HSPA12A: variants seen among roughly 807,000 people sequenced by gnomAD.
HSPA12A encodes heat shock 70 kDa protein 12A.
A neutral mutation model predicts 69.2 loss-of-function variants in HSPA12A; 28 were observed. The ratio of observed to expected loss-of-function variants is 0.40; its 90% CI spans 0.30 to 0.55. The LOEUF is 0.55. Ranked by LOEUF, HSPA12A falls within the 20% of genes least tolerant of loss-of-function variation. HSPA12A has a pLI of 0.38. For synonymous variants in HSPA12A, 345 were observed against 370.5 expected, an observed-to-expected ratio of 0.93 and a Z score of 0.79; for missense variants, 686 against 900.7, an observed-to-expected ratio of 0.76 and a Z score of 3.05.
intron 1 of HSPA12A, among the ~76,000 whole-genome samples, chr10:116,718,373 G>A (rs1484169862): frequency 6.6e-6 from 1 of 152,184 alleles, no homozygotes; most frequent in Non-Finnish European, 1.5e-5. Flanking sequence ...TTCTTCAGCT[G>A]AACCCTCTCA....
intron 2 of HSPA12A, among the ~76,000 whole-genome samples, chr10:116,772,253 T>C (rs1554890572): frequency 6.6e-5 from 10 of 151,972 alleles, no homozygotes. Context: ...AGCCATTGAG[T>C]GGAGGAGCTG....
At chr10:116,798,229 G>A (rs1180368425) in intron 2 of HSPA12A, among the ~76,000 whole-genome samples, 1 of 152,090 alleles carries the variant, frequency 6.6e-6, no homozygotes, top group Non-Finnish European at 1.5e-5. Flanking sequence ...GCCCAGTCAG[G>A]CAGCCACTGC....
At chr10:116,814,941 C>T (rs971791562) in intron 2 of HSPA12A, among the ~76,000 whole-genome samples, 1 of 152,190 alleles carries the variant, frequency 6.6e-6, no homozygotes, top group Non-Finnish European at 1.5e-5. Flanking sequence ...TAAAACCCAT[C>T]AGATGGAGAG....
intron 2 of HSPA12A, among the ~76,000 whole-genome samples, chr10:116,752,055 C>A (rs1272248027): frequency 1.3e-5 from 2 of 152,218 alleles, no homozygotes; most frequent in Non-Finnish European, 2.9e-5. Flanking sequence ...CAAAAATGGA[C>A]CGACACGTAT....
rs1200248441 is a variant in HSPA12A, at chr10:116,671,780, A to C, written c.*3001T>G. On this transcript the variant is annotated 3_prime_UTR_variant, in exon 12 of 12. Transcript: ENST00000369209. Reference sequence around the variant, plus strand: ...GATTCTGCTTCCAAGAAACGTGAAGATCAGATAATATGCCAGGGACAATTG... The same window carrying C: ...GATTCTGCTTCCAAGAAACGTGAAGCTCAGATAATATGCCAGGGACAATTG... 6.5e-6 allele frequency: 1 copy of C among 152,680 alleles called. No homozygotes were observed. Among genetic ancestry groups the C allele is most frequent in the African/African-American group, 2.4e-5 (1 of 41,466 alleles). The allele number at this position is 152,680 out of a possible 1,614,324, so 9.5% of individuals were successfully genotyped here. A position where few individuals can be genotyped will look rare whatever the true frequency, so the allele number is the denominator to read the frequency against.
chr10:116,706,659 T>G (rs1259063792), intron 2 of HSPA12A, among the ~76,000 whole-genome samples: 1 of 152,086 alleles, frequency 6.6e-6, no homozygotes, highest in Non-Finnish European at 1.5e-5. Flanking sequence ...CATCCATCTT[T>G]CCTCATACAG....
chr10:116,729,548 G>C (rs1554885446), intron 1 of HSPA12A, among the ~76,000 whole-genome samples: 1 of 152,000 alleles, frequency 6.6e-6, no homozygotes, highest in East Asian at 1.9e-4. Flanking sequence ...GCCTACTGTT[G>C]ATCAGAAGCC....
chr10:116,750,460 C>A, intron 2 of HSPA12A: 1 of 556,312 alleles, frequency 1.8e-6, no homozygotes, highest in South Asian at 2.0e-5. Context: ...ATTTTGAAAA[C>A]AAGGAATTTA....
rs782602774 is a variant in HSPA12A, at chr10:116,675,593, A to G, written c.1391-175T>C. On this transcript the variant is annotated intron_variant, in intron 11 of 11. Coordinates refer to ENST00000369209, the MANE Select transcript of HSPA12A (RefSeq NM_025015.3). The surrounding 1 kb of genome is among the most constrained non-coding windows in gnomAD (Gnocchi z 5.2). ...CAGAACTGGTCTTTTAAAGAAAGGG[A>G]GTTTGCACACCAATATGTTCCGGAA... Among the ~76,000 whole-genome samples, 3 of 152,178 alleles carry G rather than the reference A, an allele frequency of 2.0e-5. No homozygotes were observed. The highest frequency in any genetic ancestry group is 2.9e-5 in the Non-Finnish European group (2 of 68,016).
chr10:116,824,561 T>C (rs1290034261), intron 2 of HSPA12A, among the ~76,000 whole-genome samples: 1 of 152,234 alleles, frequency 6.6e-6, no homozygotes, highest in Non-Finnish European at 1.5e-5. Flanking sequence ...ATTATCATTA[T>C]CCAGCAATGA....
intron 2 of HSPA12A, among the ~76,000 whole-genome samples, chr10:116,759,162 T>C (rs1843917568): frequency 6.6e-6 from 1 of 152,250 alleles, no homozygotes; most frequent in African/African-American, 2.4e-5. Context: ...TCTGCCCTTC[T>C]ATCCAAGAAA....
intron 2 of HSPA12A, among the ~76,000 whole-genome samples, chr10:116,762,953 T>C (rs1432274389): frequency 7.9e-5 from 12 of 152,196 alleles, no homozygotes; most frequent in African/African-American, 2.7e-4. Context: ...GCCCTCATCC[T>C]TATCTTGAAC....
At chr10:116,801,185 C>G (rs1206624405) in intron 2 of HSPA12A, among the ~76,000 whole-genome samples, 1 of 152,158 alleles carries the variant, frequency 6.6e-6, no homozygotes, top group Non-Finnish European at 1.5e-5. Flanking sequence ...CAAACATGTG[C>G]ATAATGGCTG....
At chr10:116,681,319 T>G in intron 8 of HSPA12A, 63 bp from the exon 9 acceptor site, 22 of 1,330,700 alleles carry the variant, frequency 1.7e-5, no homozygotes, top group Non-Finnish European at 2.2e-5. Context: ...AACAAGCTTG[T>G]GGGTGGTAAC....
At chr10:116,779,291 C>A (rs1288397557) in intron 2 of HSPA12A, among the ~76,000 whole-genome samples, 1 of 152,152 alleles carries the variant, frequency 6.6e-6, no homozygotes, top group Non-Finnish European at 1.5e-5. Flanking sequence ...ACCCCAAACA[C>A]AAGAGTAGCA....
intron 10 of HSPA12A, among the ~76,000 whole-genome samples, chr10:116,677,524 G>A (rs1554877895): frequency 6.6e-6 from 1 of 152,188 alleles, no homozygotes; most frequent in Non-Finnish European, 1.5e-5. Context: ...GTAGGTCTTG[G>A]GATTCCAAAC....
At position 116,674,259 on chromosome 10, in the gene HSPA12A, C is replaced by T. The variant is rs1229474802; in HGVS notation, c.*522G>A. 6.3e-6 allele frequency: 1 copy of T among 159,420 alleles called. No individual in the cohort carries two copies. Among genetic ancestry groups the T allele is most frequent in the Non-Finnish European group, 1.4e-5 (1 of 71,834 alleles). 9.9% of individuals were successfully genotyped at this position (159,420 alleles called of 1,614,324 possible). ...CCACCAGCTAAAAACATTCCCAGTT[C>T]CCACTGAATCACCACTTTTAATCAC... On this transcript the variant is annotated 3_prime_UTR_variant, in exon 12 of 12. Transcript: ENST00000369209.
At chr10:116,760,625 T>C (rs1843948027) in intron 2 of HSPA12A, among the ~76,000 whole-genome samples, 1 of 152,214 alleles carries the variant, frequency 6.6e-6, no homozygotes, top group South Asian at 2.1e-4. Context: ...CAATGAATTA[T>C]CAAATTCCAA....
At chr10:116,786,983 G>GAC (rs111355992) in intron 2 of HSPA12A, among the ~76,000 whole-genome samples, 7,224 of 66,718 alleles carry the variant, frequency 0.11, 351 homozygotes, top group African/African-American at 0.19. Context: ...TCACCTCCCG[G>GAC]ACACACACAC....
Sources: gnomAD v4.1 joint callset for allele counts (sites outside exome capture counted in the v4.1 genomes callset) on GRCh38, gnomAD v4.1.1 for gene constraint, Gnocchi (gnomAD v3.1) non-coding constraint, MANE v1.5 for transcripts, NCBI Gene and HGNC (gene_info 2026-07-23, HGNC 2026-07-21) for gene names.